The following GRK4 variants were observed in gnomAD, a reference collection of about 807,000 sequenced individuals.
GRK4 encodes G protein-coupled receptor kinase 4.
GRK4 carries 73 observed loss-of-function variants against 77.9 expected under a neutral mutation model. The ratio of observed to expected loss-of-function variants is 0.94; its 90% CI spans 0.78 to 1.14. GRK4 has a LOEUF of 1.14. Ranked by LOEUF, GRK4 falls within the 50% of genes most tolerant of loss-of-function variation. The pLI is 0.00. For synonymous variants in GRK4, 257 were observed against 254.4 expected, an observed-to-expected ratio of 1.01 and a Z score of -0.10; for missense variants, 729 against 700.2, an observed-to-expected ratio of 1.04 and a Z score of -0.46.
intron 12 of GRK4, among the ~76,000 whole-genome samples, chr4:3,034,991 C>T (rs1740181927): frequency 6.6e-6 from 1 of 152,132 alleles, no homozygotes. Flanking sequence ...GGCGCGGTGG[C>T]TCACGACTGT....
At chr4:2,977,139 A>G (rs1480239647) in intron 1 of GRK4, among the ~76,000 whole-genome samples, 3 of 152,070 alleles carry the variant, frequency 2.0e-5, no homozygotes, top group Non-Finnish European at 4.4e-5. Context: ...CATACTCTCT[A>G]AAGGCCCAAA....
chr4:2,965,375 G>A, intron 1 of GRK4: 1 of 703,022 alleles, frequency 1.4e-6, no homozygotes. Context: ...TGGCGACAGA[G>A]CCTCGGACCT....
At chr4:2,984,487 A>T in intron 1 of GRK4, 26 bp from the exon 2 acceptor site, 1 of 1,315,068 alleles carries the variant, frequency 7.6e-7, no homozygotes, top group Non-Finnish European at 1.1e-6. Context: ...TGTTAAAGGA[A>T]ATTGCCTTTT....
chr4:2,972,352 G>A (rs564568313), intron 1 of GRK4, among the ~76,000 whole-genome samples: 96 of 152,196 alleles, frequency 6.3e-4, no homozygotes, highest in African/African-American at 2.0e-3. Flanking sequence ...TTGTCTTTAC[G>A]TAGTATTGAC....
At chr4:2,973,727 G>C (rs1720273985) in intron 1 of GRK4, among the ~76,000 whole-genome samples, 1 of 152,156 alleles carries the variant, frequency 6.6e-6, no homozygotes, top group African/African-American at 2.4e-5. Context: ...ACCGTGGTCA[G>C]CTTCTGCCTT....
At chr4:2,984,668 G>A in intron 2 of GRK4, 60 bp downstream of exon 2, 1 of 793,528 alleles carries the variant, frequency 1.3e-6, no homozygotes, top group South Asian at 2.3e-5. Flanking sequence ...CCATTCATTA[G>A]ATGTTATTCT....
intron 3 of GRK4, among the ~76,000 whole-genome samples, chr4:2,991,421 T>C (rs527314415): frequency 3.3e-5 from 5 of 152,354 alleles, no homozygotes; most frequent in East Asian, 1.9e-4. Context: ...GCCTGCCCAG[T>C]TGGCATATCG....
At chr4:2,965,317 T>C in intron 1 of GRK4, 1 of 703,004 alleles carries the variant, frequency 1.4e-6, no homozygotes, top group Non-Finnish European at 2.6e-6. Context: ...CTCTGTGCAA[T>C]CCTCTGTCTC....
At position 2,964,157 on chromosome 4, in the gene GRK4, C is replaced by CA. The variant is rs1553867172; in HGVS notation, c.52+36dup. 95 of 1,523,230 alleles carry CA rather than the reference C, an allele frequency of 6.2e-5. No homozygotes were observed. In the African/African-American group the frequency reaches 9.2e-4, roughly 15 times the overall value. 94.4% of individuals were successfully genotyped at this position (1,523,230 alleles called of 1,614,324 possible). A position where few individuals can be genotyped will look rare whatever the true frequency, so the allele number is the denominator to read the frequency against. ...CGGCAGGCGCCCCCGACCCCCCCCC[C>CA]AGAGAACCCCGAATCCCGGGGAACC... On this transcript the variant is annotated intron_variant, in intron 1 of 15. Transcript: ENST00000398052.
rs1430297921 is a variant in GRK4 at position 3,038,485 on chromosome 4, G to A, written c.1655G>A (p.Gly552Asp). The A allele has an allele frequency of 9.3e-6, 15 of 1,613,826 alleles. No individual in the cohort carries two copies. The highest frequency in any genetic ancestry group is 1.3e-5 in the Non-Finnish European group (15 of 1,179,978). ...ACCCCGGTTTCCAGACCAAACAGAG[G>A]CTTCTTCTATAGACTCTTCAGAAGA... is the stretch of plus-strand genomic sequence containing the variant. ...IHTPVSRPNR[G>D]FFYRLFRRGG... The change falls in exon 15 of 16, where the codon GGC becomes GAC. Residue 552 changes from glycine (G) to aspartate (D), a missense_variant. Physicochemically the swap from Gly to Asp is moderately conservative, Grantham distance 94. Coordinates refer to ENST00000398052, the MANE Select transcript of GRK4 (RefSeq NM_182982.3).
In GRK4 at chr4:3,035,527, A is replaced by T; in HGVS notation, c.1407+4A>T. ...GGAGCCCCCTTTCTGTCCTGATGTA[A>T]GTGCATTGCCAGGACGAGCAGGGCC... is the stretch of plus-strand genomic sequence containing the variant. On this transcript the variant is annotated splice_donor_region_variant and intron_variant, in intron 13 of 15. Transcript: ENST00000398052. 1 of 1,611,310 alleles carries T rather than the reference A, an allele frequency of 6.2e-7. No homozygotes were observed. Among genetic ancestry groups the T allele is most frequent in the Non-Finnish European group, 8.5e-7 (1 of 1,178,700 alleles).
chr4:2,990,246 C>CTTTTTTTTT (rs71644371), intron 3 of GRK4, among the ~76,000 whole-genome samples: 96 of 70,742 alleles, frequency 1.4e-3, no homozygotes, highest in East Asian at 1.8e-3. Context: ...TCTTCTTCTT[C>CTTTTTTTTT]TTTTTTTTTT....
intron 1 of GRK4, among the ~76,000 whole-genome samples, chr4:2,976,444 TC>T (rs1333547132): frequency 6.6e-6 from 1 of 151,884 alleles, no homozygotes; most frequent in African/African-American, 2.4e-5. Context: ...CAGGCTGCAT[TC>T]TGTTTTTTAG....
chr4:3,014,422 A>G (rs1454049219), intron 8 of GRK4, among the ~76,000 whole-genome samples: 1 of 150,420 alleles, frequency 6.6e-6, no homozygotes, highest in East Asian at 2.0e-4. Flanking sequence ...TCAGCCTCCC[A>G]AGCAGCTGGG....
intron 10 of GRK4, among the ~76,000 whole-genome samples, chr4:3,026,767 A>G (rs1737693345): frequency 6.6e-6 from 1 of 152,232 alleles, no homozygotes; most frequent in Non-Finnish European, 1.5e-5. Flanking sequence ...TATCACGTGC[A>G]TGCATCTGAG....
At chr4:3,018,484 C>T (rs1311749084) in intron 8 of GRK4, among the ~76,000 whole-genome samples, 2 of 152,098 alleles carry the variant, frequency 1.3e-5, no homozygotes, top group African/African-American at 4.8e-5. Context: ...GCCTGGGCAA[C>T]ATAGCAAGAC....
intron 2 of GRK4, chr4:2,987,270 C>A: frequency 5.6e-6 from 2 of 356,714 alleles, no homozygotes; most frequent in South Asian, 2.1e-5. Flanking sequence ...CAAAGTACTT[C>A]ATCCTTTTTT....
At chr4:3,039,578 A>G (rs1465140415) in intron 15 of GRK4, among the ~76,000 whole-genome samples, 2 of 149,954 alleles carry the variant, frequency 1.3e-5, no homozygotes, top group South Asian at 2.1e-4. Flanking sequence ...TGTGCCTGTA[A>G]TCCCAGCTAC....
intron 1 of GRK4, among the ~76,000 whole-genome samples, chr4:2,976,043 G>A (rs1354417565): frequency 6.6e-6 from 1 of 152,094 alleles, no homozygotes; most frequent in African/African-American, 2.4e-5. Flanking sequence ...CCTTTGCAAG[G>A]GGCAAGGAGC....
Sources: gnomAD v4.1 joint callset for allele counts (sites outside exome capture counted in the v4.1 genomes callset) on GRCh38, gnomAD v4.1.1 for gene constraint, MANE v1.5 for transcripts, NCBI Gene and HGNC (gene_info 2026-07-23, HGNC 2026-07-21) for gene names.